OLA1: variants seen among roughly 807,000 people sequenced by gnomAD.
OLA1 encodes the protein Obg like ATPase 1, also known as obg-like ATPase 1.
Under a neutral mutation model 48.4 loss-of-function variants are expected in OLA1, and 14 were observed. The ratio of observed to expected loss-of-function variants is 0.29; its 90% confidence interval spans 0.19 to 0.45. The LOEUF is 0.45. OLA1 is among the 20% of genes least tolerant of loss of function. The probability of loss-of-function intolerance (pLI) is 1.00; values close to 1 mark genes in which losing one functional copy is unlikely to be tolerated. For synonymous variants in OLA1, 127 were observed against 150.4 expected (o/e 0.84, Z 1.14); for missense variants, 325 against 467.1 (o/e 0.70, Z 2.80).
chr2:174,113,525 TTAAA>T, intron 7 of OLA1, among the ~76,000 whole-genome samples: 1 of 152,254 alleles, frequency 6.6e-6, no homozygotes. Context: ...AACAATGTTA[TTAAA>T]TAGTTAATAA....
intron 4 of OLA1, among the ~76,000 whole-genome samples, chr2:174,212,851 C>T (rs1688275111): frequency 6.6e-6 from 1 of 152,208 alleles, no homozygotes; most frequent in Admixed American, 6.5e-5. Flanking sequence ...ATGGAGCTGT[C>T]ATCTCCTATG....
rs1684668686 is a variant in OLA1 at position 174,074,026 on chromosome 2, A to G, written c.*1400T>C. 6.6e-6 allele frequency: 1 copy of G among 152,196 alleles called. No individual in the cohort carries two copies. Among genetic ancestry groups the G allele is most frequent in the African/African-American group, 2.4e-5 (1 of 41,444 alleles). The allele number at this position is 152,196 out of a possible 1,614,324, so 9.4% of individuals were successfully genotyped here. The stretch of plus-strand genomic sequence containing the variant: ...GCTTCTAAATTATACTCACGACTCA[A>G]CCTCATCCTCTTTAAATATCTTAAG... On this transcript the variant is annotated 3_prime_UTR_variant, in exon 11 of 11. Transcript: ENST00000284719.
chr2:174,115,165 T>C lies in OLA1; in HGVS notation c.728+8015A>G, dbSNP rs79616275. Among the ~76,000 whole-genome samples, 1,211 of 152,216 alleles carry C rather than the reference T, an allele frequency of 8.0e-3. 17 individuals are homozygous for C. Among genetic ancestry groups the C allele is most frequent in the African/African-American group, 0.027 (1,141 of 41,534 alleles). ...GGCCAATGTAATAGTGTAATGAGGGTCATCTCGGAATTTGAGGATCAAATG... is the reference window on the plus strand; with the variant it reads ...GGCCAATGTAATAGTGTAATGAGGGCCATCTCGGAATTTGAGGATCAAATG... On this transcript the variant is annotated intron_variant, in intron 7 of 10. Transcript: ENST00000284719.
At chr2:174,102,410 G>A (rs569624398) in intron 7 of OLA1, among the ~76,000 whole-genome samples, 2 of 151,740 alleles carry the variant, frequency 1.3e-5, no homozygotes, top group South Asian at 2.1e-4. Context: ...CAGTAGAGAC[G>A]AGATTAGAAA....
At chr2:174,169,511 A>T (rs1687248055) in intron 4 of OLA1, among the ~76,000 whole-genome samples, 1 of 152,250 alleles carries the variant, frequency 6.6e-6, no homozygotes, top group South Asian at 2.1e-4. Context: ...CAATATTTTT[A>T]AAGTGCAGAA....
intron 2 of OLA1, among the ~76,000 whole-genome samples, chr2:174,233,229 AAG>A (rs907041486): frequency 6.6e-6 from 1 of 152,148 alleles, no homozygotes; most frequent in Non-Finnish European, 1.5e-5. Flanking sequence ...GCTGGGGGGA[AAG>A]AGAAATGGGA....
At chr2:174,176,871 A>AT (rs1189485323) in intron 4 of OLA1, among the ~76,000 whole-genome samples, 2 of 152,198 alleles carry the variant, frequency 1.3e-5, no homozygotes, top group African/African-American at 2.4e-5. Context: ...GATTCCCTCA[A>AT]TAAAGCAATT....
intron 2 of OLA1, among the ~76,000 whole-genome samples, chr2:174,233,714 A>T (rs569935166): frequency 3.3e-5 from 5 of 152,378 alleles, no homozygotes; most frequent in Admixed American, 6.5e-5. Context: ...TTTAAAAAGT[A>T]TCAAACTCAA....
intron 7 of OLA1, among the ~76,000 whole-genome samples, chr2:174,086,312 C>T (rs2105342591): frequency 6.6e-6 from 1 of 152,140 alleles, no homozygotes; most frequent in East Asian, 1.9e-4. Flanking sequence ...ATGAGTGGGC[C>T]TCGCTCTAGT....
intron 5 of OLA1, among the ~76,000 whole-genome samples, chr2:174,130,088 C>T (rs551061655): frequency 3.3e-5 from 5 of 152,166 alleles, no homozygotes; most frequent in South Asian, 2.1e-4. Context: ...CCTTTAAACA[C>T]CCGAAATTGA....
At chr2:174,211,897 T>G (rs1402155881) in intron 4 of OLA1, among the ~76,000 whole-genome samples, 1 of 152,242 alleles carries the variant, frequency 6.6e-6, no homozygotes, top group Non-Finnish European at 1.5e-5. Context: ...TTCACCTGTT[T>G]CTTTTTAACT....
intron 7 of OLA1, among the ~76,000 whole-genome samples, chr2:174,109,129 C>T (rs1342408552): frequency 1.3e-5 from 2 of 152,092 alleles, no homozygotes; most frequent in Non-Finnish European, 2.9e-5. Flanking sequence ...TTGAATATTT[C>T]ATAGCAAAAA....
chr2:174,138,714 G>C (rs900615202), intron 5 of OLA1, among the ~76,000 whole-genome samples: 8 of 152,166 alleles, frequency 5.3e-5, no homozygotes, highest in Non-Finnish European at 1.2e-4. Flanking sequence ...ATGCCTGTAT[G>C]CTACTCTGAA....
intron 2 of OLA1, among the ~76,000 whole-genome samples, chr2:174,241,300 C>T (rs13424932): frequency 6.6e-6 from 1 of 152,112 alleles, no homozygotes; most frequent in East Asian, 1.9e-4. Context: ...ACATTCCCGA[C>T]GAACAAAAAT....
chr2:174,120,344 C>T (rs1438573590), intron 7 of OLA1, among the ~76,000 whole-genome samples: 1 of 152,104 alleles, frequency 6.6e-6, no homozygotes, highest in Non-Finnish European at 1.5e-5. Context: ...TAAGTAACAG[C>T]TGATCGTGTT....
intron 4 of OLA1, among the ~76,000 whole-genome samples, chr2:174,166,194 C>T (rs1227890013): frequency 1.3e-5 from 2 of 151,068 alleles, no homozygotes; most frequent in African/African-American, 4.9e-5. Context: ...AAATTTGTAA[C>T]TAATTGATGA....
intron 4 of OLA1, among the ~76,000 whole-genome samples, chr2:174,180,371 G>A (rs1012803430): frequency 6.6e-6 from 1 of 152,074 alleles, no homozygotes; most frequent in Non-Finnish European, 1.5e-5. Context: ...AGACTACTCA[G>A]CTTTAAGTAC....
intron 4 of OLA1, among the ~76,000 whole-genome samples, chr2:174,208,924 T>C (rs1429666906): frequency 6.6e-6 from 1 of 152,214 alleles, no homozygotes; most frequent in Non-Finnish European, 1.5e-5. Context: ...TACCATCAAC[T>C]CTATACTCAT....
At chr2:174,219,667 C>T (rs928125825) in intron 4 of OLA1, among the ~76,000 whole-genome samples, 4 of 151,988 alleles carry the variant, frequency 2.6e-5, no homozygotes, top group African/African-American at 7.2e-5. Context: ...AGCAATCTGC[C>T]TGCCCCAGTC....
Sources: allele counts gnomAD v4.1 joint callset (sites outside exome capture counted in the v4.1 genomes callset), GRCh38; gene constraint gnomAD v4.1.1; transcripts MANE v1.5; gene names NCBI Gene and HGNC (gene_info 2026-07-23, HGNC 2026-07-21).